Variants in GABBR1 observed in about 807,000 individuals in gnomAD.
GABBR1 encodes the protein gamma-aminobutyric acid type B receptor subunit 1.
GABBR1 carries 35 observed loss-of-function variants against 117.7 expected under a neutral mutation model. The ratio of observed to expected loss-of-function variants is 0.30; its 90% CI spans 0.23 to 0.39. The LOEUF (loss-of-function observed/expected upper bound fraction) is 0.39. Ranked by LOEUF, GABBR1 falls within the 10% of genes least tolerant of loss-of-function variation. The pLI is 1.00. For missense variants in GABBR1, 709 were observed against 1,241.8 expected (o/e 0.57, Z 6.45); for synonymous variants, 442 against 486.6 (o/e 0.91, Z 1.21).
At position 29,627,852 on chromosome 6, in the gene GABBR1, T is replaced by A. The variant is rs545135198; in HGVS notation, c.497-206A>T. 1 of 1,390,050 alleles carries A rather than the reference T, an allele frequency of 7.2e-7. No individual in the cohort carries two copies. The highest frequency in any genetic ancestry group is 1.6e-5 in the South Asian group (1 of 61,246). The allele number at this position is 1,390,050 out of a possible 1,614,324, so 86.1% of individuals were successfully genotyped here. A position where few individuals can be genotyped will look rare whatever the true frequency, so the allele number is the denominator to read the frequency against. Reference sequence around the variant, plus strand: ...AGGAGCTCAGGGGGGACACTTTTCCTGGGGAGGGCTGCTAAGAGGGTGCCG... The same window carrying A: ...AGGAGCTCAGGGGGGACACTTTTCCAGGGGAGGGCTGCTAAGAGGGTGCCG... On this transcript the variant is annotated intron_variant, in intron 5 of 22. Coordinates refer to ENST00000377034, the MANE Select transcript of GABBR1 (RefSeq NM_001470.4). The surrounding 1 kb of genome is among the most constrained non-coding windows in gnomAD (Gnocchi z 4.4).
chr6:29,611,886 T>C lies in GABBR1; in HGVS notation c.1630+665A>G, dbSNP rs546458921. Among the ~76,000 whole-genome samples, 192 of 152,372 alleles carry C rather than the reference T, an allele frequency of 1.3e-3. 1 individual carries two copies. The highest frequency in any genetic ancestry group is 3.6e-3 in the African/African-American group (151 of 41,590). On this transcript the variant is annotated intron_variant, in intron 13 of 22. Coordinates refer to ENST00000377034, the MANE Select transcript of GABBR1 (RefSeq NM_001470.4). This position sits in a 1 kb window ranked among gnomAD's most constrained non-coding sequence, Gnocchi z 4.6. The stretch of plus-strand genomic sequence containing the variant: ...AGCGGTTCTCCTAGATTCAGCTTTC[T>C]TGAGTCTAACTGACAGGTCATCAAC...
chr6:29,631,092 T>C lies in GABBR1; in HGVS notation c.289+304A>G, dbSNP rs29242. ...AAATGTGATGAAATCATTTTAGAATTTTTTTGTCATCATCTGCCACTAATG... is the reference window on the plus strand; with the variant it reads ...AAATGTGATGAAATCATTTTAGAATCTTTTTGTCATCATCTGCCACTAATG... On this transcript the variant is annotated intron_variant, in intron 3 of 22. Transcript: ENST00000377034. The surrounding 1 kb of genome is among the most constrained non-coding windows in gnomAD (Gnocchi z 5.9). 0.05 allele frequency among the ~76,000 whole-genome samples: 7,594 copies of C among 152,270 alleles called. 252 individuals are homozygous for C. Among genetic ancestry groups the C allele is most frequent in the South Asian group, 0.13 (647 of 4,818 alleles).
intron 11 of GABBR1, among the ~76,000 whole-genome samples, chr6:29,619,850 A>G (rs1422469992): frequency 6.6e-6 from 1 of 152,068 alleles, no homozygotes. Context: ...TTTTCATTGT[A>G]TTTTTCAACT....
At chr6:29,624,087 G>A (rs3025626) in intron 6 of GABBR1, 63 bp from the exon 7 acceptor site, 141,358 of 1,447,148 alleles carry the variant, frequency 0.098, 7,400 homozygotes, top group Middle Eastern at 0.17. Context: ...TGCAATTCCT[G>A]CTCTTATCTT....
At position 29,630,478 on chromosome 6, in the gene GABBR1, G is replaced by C; in HGVS notation, c.455C>G (p.Thr152Ser). ...RSICSQGQWS[T>S]PKPHCQVNRT... ...CTCACCCTGGCAGTGGGGCTTGGGG[G>C]TGCTCCACTGGCCCTGACTACAGAT... Residue 152 changes from threonine (T) to serine (S), a missense_variant, in exon 4 of 23, where the codon ACC (threonine) becomes AGC (serine). Thr to Ser is a moderately conservative substitution (Grantham distance 58). Around this residue, in one of 9 missense-constraint regions of GABBR1, gnomAD observed 192 missense variants for 418.4 expected, o/e 0.46. Coordinates refer to ENST00000377034, the MANE Select transcript of GABBR1 (RefSeq NM_001470.4). The surrounding 1 kb of genome is among the most constrained non-coding windows in gnomAD (Gnocchi z 4.9). 6.2e-7 allele frequency: 1 copy of C among 1,612,852 alleles called. No homozygotes were observed. Among genetic ancestry groups the C allele is most frequent in the East Asian group, 2.2e-5 (1 of 44,878 alleles).
In GABBR1 at chr6:29,606,684, A is replaced by T; in HGVS notation, c.2218-200T>A. The T allele has an allele frequency of 1.6e-6, 1 of 634,932 alleles. No homozygotes were observed. Among genetic ancestry groups the T allele is most frequent in the South Asian group, 1.9e-5 (1 of 52,472 alleles). The allele number at this position is 634,932 out of a possible 1,614,324, so 39.3% of individuals were successfully genotyped here. ...TTTCCCTGATGCCTGGAAGTTCTAC[A>T]CACCCTTCCCAGATTCCCACCCCTT... On this transcript the variant is annotated intron_variant, in intron 18 of 22. Coordinates refer to ENST00000377034, the MANE Select transcript of GABBR1 (RefSeq NM_001470.4). This position sits in a 1 kb window ranked among gnomAD's most constrained non-coding sequence, Gnocchi z 4.5.
chr6:29,607,006 T>C lies in GABBR1; in HGVS notation c.2110-2A>G. 1 of 1,613,958 alleles carries C rather than the reference T, an allele frequency of 6.2e-7. No individual in the cohort carries two copies. Among genetic ancestry groups the C allele is most frequent in the Non-Finnish European group, 8.5e-7 (1 of 1,179,784 alleles). On this transcript the variant is annotated splice_acceptor_variant, in intron 17 of 22. Transcript: ENST00000377034. LOFTEE classifies it high-confidence loss of function. The surrounding 1 kb of genome is among the most constrained non-coding windows in gnomAD (Gnocchi z 5.0). ...ATACAGCTTCCAGGGTTCCAGAGTC[T>C]GGATAAATATGTGGGGAGAACAGGC...
Position 29,605,744 on chromosome 6 carries a change from C to T in GABBR1, c.2312-48G>A. 2 of 1,598,520 alleles carry T rather than the reference C, an allele frequency of 1.3e-6. No homozygotes were observed. The highest frequency in any genetic ancestry group is 1.7e-6 in the Non-Finnish European group (2 of 1,176,272). On this transcript the variant is annotated intron_variant, in intron 19 of 22. Coordinates refer to ENST00000377034, the MANE Select transcript of GABBR1 (RefSeq NM_001470.4). This position sits in a 1 kb window ranked among gnomAD's most constrained non-coding sequence, Gnocchi z 4.2. ...CTTGAGCAACAAGGACCACAATGCT[C>T]CTCACTCAATCCCCATCCCCTCTCT...
In GABBR1 at chr6:29,604,531, T is replaced by C. The variant is rs1346100059; in HGVS notation, c.2675A>G (p.Glu892Gly). The change falls in exon 22 of 23, where the codon GAG becomes GGG. Residue 892 changes from glutamate (E) to glycine (G), a missense_variant. Physicochemically the swap from Glu to Gly is moderately conservative, Grantham distance 98. Around this residue, in one of 9 missense-constraint regions of GABBR1, gnomAD observed 251 missense variants for 445.3 expected, o/e 0.56. Coordinates refer to ENST00000377034, the MANE Select transcript of GABBR1 (RefSeq NM_001470.4). This position sits in a 1 kb window ranked among gnomAD's most constrained non-coding sequence, Gnocchi z 5.3. ...NNEEEKSRLL[E>G]KENRELEKII... Reference sequence around the variant, plus strand: ...CTTTTCCAGTTCACGGTTCTCCTTCTCCAACAGCCGGGACTTCTCCTCCTC... The same window carrying C: ...CTTTTCCAGTTCACGGTTCTCCTTCCCCAACAGCCGGGACTTCTCCTCCTC... The C allele has an allele frequency of 6.2e-7, 1 of 1,613,146 alleles. No individual in the cohort carries two copies. Among genetic ancestry groups the C allele is most frequent in the African/African-American group, 1.3e-5 (1 of 74,918 alleles).
In GABBR1 at chr6:29,632,154, G is replaced by C; in HGVS notation, c.85+147C>G. On this transcript the variant is annotated intron_variant, in intron 2 of 22. Transcript: ENST00000377034. The surrounding 1 kb of genome is among the most constrained non-coding windows in gnomAD (Gnocchi z 5.8). ...GTGGGGTGACAGAAGGAGGTCAGCAGTAGTAAAGTCGGGCCGAGCAGAAGG... is the reference window on the plus strand; with the variant it reads ...GTGGGGTGACAGAAGGAGGTCAGCACTAGTAAAGTCGGGCCGAGCAGAAGG... 2.0e-6 allele frequency: 1 copy of C among 505,302 alleles called. No individual in the cohort carries two copies. The highest frequency in any genetic ancestry group is 3.9e-5 in the Admixed American group (1 of 25,522). 31.3% of individuals were successfully genotyped at this position (505,302 alleles called of 1,614,324 possible). A position where few individuals can be genotyped will look rare whatever the true frequency, so the allele number is the denominator to read the frequency against.
chr6:29,606,244 T>C lies in GABBR1; in HGVS notation c.2311+147A>G. ...CTCCCCTATTCTCAGAAAAGATTAG[T>C]GCAATAACAAAGAGTAGGGTGTTCA... On this transcript the variant is annotated intron_variant, in intron 19 of 22. Coordinates refer to ENST00000377034, the MANE Select transcript of GABBR1 (RefSeq NM_001470.4). This position sits in a 1 kb window ranked among gnomAD's most constrained non-coding sequence, Gnocchi z 4.5. The C allele has an allele frequency of 1.5e-6, 1 of 671,986 alleles. No individual in the cohort carries two copies. The highest frequency in any genetic ancestry group is 2.7e-6 in the Non-Finnish European group (1 of 371,132). The allele number at this position is 671,986 out of a possible 1,614,324, so 41.6% of individuals were successfully genotyped here. A position where few individuals can be genotyped will look rare whatever the true frequency, so the allele number is the denominator to read the frequency against.
At position 29,605,212 on chromosome 6, in the gene GABBR1, T is replaced by C. The variant is rs1761827033; in HGVS notation, c.2440-224A>G. The C allele has an allele frequency of 1.7e-6, 1 of 583,668 alleles. No individual in the cohort carries two copies. The highest frequency in any genetic ancestry group is 2.9e-6 in the Non-Finnish European group (1 of 339,496). 36.2% of individuals were successfully genotyped at this position (583,668 alleles called of 1,614,324 possible). On this transcript the variant is annotated intron_variant, in intron 20 of 22. Coordinates refer to ENST00000377034, the MANE Select transcript of GABBR1 (RefSeq NM_001470.4). This position sits in a 1 kb window ranked among gnomAD's most constrained non-coding sequence, Gnocchi z 4.2. ...TAACCCCTCCCCTCAAGGCAGGAAC[T>C]CCCAGGATCTCTATGCACAGATTCC...
intron 11 of GABBR1, among the ~76,000 whole-genome samples, chr6:29,618,174 A>G (rs1462979521): frequency 6.6e-6 from 1 of 152,114 alleles, no homozygotes; most frequent in Non-Finnish European, 1.5e-5. Context: ...GGTCTATCCA[A>G]TCTTCAGTTC....
chr6:29,605,087 T>C lies in GABBR1; in HGVS notation c.2440-99A>G. On this transcript the variant is annotated intron_variant, in intron 20 of 22. Coordinates refer to ENST00000377034, the MANE Select transcript of GABBR1 (RefSeq NM_001470.4). The surrounding 1 kb of genome is among the most constrained non-coding windows in gnomAD (Gnocchi z 4.2). ...GAGGGAGTCTATGCAGACAGTTTCC[T>C]GGTGAACTTTCCCTTTGAAAAGGAT... is the stretch of plus-strand genomic sequence containing the variant. 3 of 1,260,020 alleles carry C rather than the reference T, an allele frequency of 2.4e-6. No homozygotes were observed. The highest frequency in any genetic ancestry group is 1.6e-5 in the South Asian group (1 of 63,400). 78.1% of individuals were successfully genotyped at this position (1,260,020 alleles called of 1,614,324 possible).
chr6:29,632,416 C>T lies in GABBR1; in HGVS notation c.1-31G>A, dbSNP rs1387219232. On this transcript the variant is annotated intron_variant, in intron 1 of 22. Transcript: ENST00000377034. This position sits in a 1 kb window ranked among gnomAD's most constrained non-coding sequence, Gnocchi z 5.8. ...TGAGAGGCGGCCATGAGGACTGGACCGAGCCCCGCCGGCGCGGCCCGCACC... is the reference window on the plus strand; with the variant it reads ...TGAGAGGCGGCCATGAGGACTGGACTGAGCCCCGCCGGCGCGGCCCGCACC... 5 of 1,334,856 alleles carry T rather than the reference C, an allele frequency of 3.7e-6. No individual in the cohort carries two copies. In the Admixed American group the frequency reaches 1.2e-4, roughly 33 times the overall value. 82.7% of individuals were successfully genotyped at this position (1,334,856 alleles called of 1,614,324 possible).
chr6:29,627,461 C>A lies in GABBR1; in HGVS notation c.657+25G>T. 4.0e-6 allele frequency: 6 copies of A among 1,498,184 alleles called. No individual in the cohort carries two copies. Among genetic ancestry groups the A allele is most frequent in the East Asian group, 2.4e-5 (1 of 40,842 alleles). The allele number at this position is 1,498,184 out of a possible 1,614,324, so 92.8% of individuals were successfully genotyped here. A position where few individuals can be genotyped will look rare whatever the true frequency, so the allele number is the denominator to read the frequency against. On this transcript the variant is annotated intron_variant, in intron 6 of 22. Coordinates refer to ENST00000377034, the MANE Select transcript of GABBR1 (RefSeq NM_001470.4). The surrounding 1 kb of genome is among the most constrained non-coding windows in gnomAD (Gnocchi z 4.4). ...CCCTGCCCCGCAAGCCCCCACCTCCCACCCACCCCCATGTCCAGGGCTACC... is the reference window on the plus strand; with the variant it reads ...CCCTGCCCCGCAAGCCCCCACCTCCAACCCACCCCCATGTCCAGGGCTACC...
At chr6:29,617,364 C>A (rs570271448) in intron 11 of GABBR1, among the ~76,000 whole-genome samples, 1 of 136,592 alleles carries the variant, frequency 7.3e-6, no homozygotes, top group Non-Finnish European at 1.5e-5. Flanking sequence ...TGCAGTAGTG[C>A]GATCTTGGCT....
chr6:29,608,863 T>C, intron 15 of GABBR1, 130 bp from the exon 16 acceptor site: 1 of 1,036,248 alleles, frequency 9.7e-7, no homozygotes, highest in Non-Finnish European at 1.4e-6. Context: ...AAGACAGGAT[T>C]GGAGAAGACA....
At position 29,603,355 on chromosome 6, in the gene GABBR1, T is replaced by C. The variant is rs1263649381; in HGVS notation, c.*188A>G. On this transcript the variant is annotated 3_prime_UTR_variant, in exon 23 of 23. Coordinates refer to ENST00000377034, the MANE Select transcript of GABBR1 (RefSeq NM_001470.4). ...CATGAAGCAGTAAGAGAGAAAAAGG[T>C]CTGTTTCCCAGAGGTATGAGAGACC... 1 of 709,814 alleles carries C rather than the reference T, an allele frequency of 1.4e-6. No individual in the cohort carries two copies. The highest frequency in any genetic ancestry group is 2.6e-6 in the Non-Finnish European group (1 of 386,608). 44.0% of individuals were successfully genotyped at this position (709,814 alleles called of 1,614,324 possible). A position where few individuals can be genotyped will look rare whatever the true frequency, so the allele number is the denominator to read the frequency against.
Sources: gnomAD v4.1 joint callset for allele counts (sites outside exome capture counted in the v4.1 genomes callset) on GRCh38, gnomAD v4.1.1 for gene constraint, gnomAD v4.1.1 regional missense constraint, Gnocchi (gnomAD v3.1) non-coding constraint, MANE v1.5 for transcripts, NCBI Gene and HGNC (gene_info 2026-07-23, HGNC 2026-07-21) for gene names.